Variants in SUPT20HL1 observed in about 807,000 individuals in gnomAD.
The protein encoded by SUPT20HL1 is transcription factor SPT20 homolog-like 1.
For missense variants in SUPT20HL1, 277 were observed against 200.3 expected, an observed-to-expected ratio of 1.38 and a Z score of -2.31; for synonymous variants, 133 against 79.2, an observed-to-expected ratio of 1.68 and a Z score of -3.61.
Position 24,363,699 on chromosome X carries a change from A to G in SUPT20HL1, c.939A>G (p.Lys313=), listed in dbSNP as rs767832313. Residue 313 remains lysine, a synonymous_variant, in exon 1 of 1, where the codon AAA becomes AAG. Coordinates refer to ENST00000686983, the MANE Select transcript of SUPT20HL1 (RefSeq NM_001136234.3). ...PSEVDVEKLA[K]GYQSVTAADP... ...AAGTGGATGTGGAGAAACTTGCTAAAGGGTATCAGTCCGTCACAGCTGCTG... is the reference window on the plus strand; with the variant it reads ...AAGTGGATGTGGAGAAACTTGCTAAGGGGTATCAGTCCGTCACAGCTGCTG... 5.2e-6 allele frequency: 2 copies of G among 385,959 alleles called. No individual in the cohort carries two copies. The highest frequency in any genetic ancestry group is 5.1e-5 in the African/African-American group (2 of 39,359). The allele number at this position is 385,959 out of a possible 1,213,427, so 31.8% of individuals were successfully genotyped here. A position where few individuals can be genotyped will look rare whatever the true frequency, so the allele number is the denominator to read the frequency against.
At position 24,366,613 on chromosome X, in the gene SUPT20HL1, A is replaced by C. The variant is rs1490686303; in HGVS notation, c.*1189A>C. On this transcript the variant is annotated 3_prime_UTR_variant, in exon 1 of 1. Coordinates refer to ENST00000686983, the MANE Select transcript of SUPT20HL1 (RefSeq NM_001136234.3). ...CATTTAGTGAAACATTTGAAAATCC[A>C]TTTTATTGGTTTGCTTTTCAAATAT... is the stretch of plus-strand genomic sequence containing the variant. Among the ~76,000 whole-genome samples, 2 of 105,312 alleles carry C rather than the reference A, an allele frequency of 1.9e-5. No homozygotes were observed. The highest frequency in any genetic ancestry group is 7.2e-5 in the African/African-American group (2 of 27,826). 91.5% of individuals were successfully genotyped at this position (105,312 alleles called of 115,157 possible). A position where few individuals can be genotyped will look rare whatever the true frequency, so the allele number is the denominator to read the frequency against.
In SUPT20HL1 at chrX:24,361,291, G is replaced by A. The variant is rs945526427; in HGVS notation, c.-1470G>A. Among the ~76,000 whole-genome samples the A allele has an allele frequency of 1.2e-4, 13 of 112,453 alleles. No individual in the cohort carries two copies. Among genetic ancestry groups the A allele is most frequent in the African/African-American group, 3.6e-4 (11 of 30,927 alleles). Reference sequence around the variant, plus strand: ...ACCCAAGTGAAGACAGGGGCAATTCGCCAGCTGAAGATCGAGTCCATCCCA... The same window carrying A: ...ACCCAAGTGAAGACAGGGGCAATTCACCAGCTGAAGATCGAGTCCATCCCA... On this transcript the variant is annotated 5_prime_UTR_variant, in exon 1 of 1. Transcript: ENST00000686983.
rs752264632 is a variant in SUPT20HL1 at position 24,365,169 on chromosome X, G to A, written c.2409G>A (p.Gln803=). 3 of 345,773 alleles carry A rather than the reference G, an allele frequency of 8.7e-6. No individual in the cohort carries two copies. In the East Asian group the frequency reaches 2.9e-4, roughly 33 times the overall value. The allele number at this position is 345,773 out of a possible 1,213,427, so 28.5% of individuals were successfully genotyped here. A position where few individuals can be genotyped will look rare whatever the true frequency, so the allele number is the denominator to read the frequency against. ...PPKLQLQPQW[Q]PKPRQEQPQS... ...AGCTGCAACTGCAACCGCAGTGGCAGCCAAAGCCACGGCAGGAGCAGCCAC... is the reference window on the plus strand; with the variant it reads ...AGCTGCAACTGCAACCGCAGTGGCAACCAAAGCCACGGCAGGAGCAGCCAC... The change falls in exon 1 of 1, where the codon CAG becomes CAA. Residue 803 remains glutamine, a synonymous_variant. Coordinates refer to ENST00000686983, the MANE Select transcript of SUPT20HL1 (RefSeq NM_001136234.3).
rs1310187563 is a variant in SUPT20HL1, at chrX:24,364,731, T to G, written c.1971T>G (p.Asp657Glu). Residue 657 changes from aspartate (D) to glutamate (E), a missense_variant, in exon 1 of 1, where the codon GAT (aspartate) becomes GAG (glutamate). Transcript: ENST00000686983. ...AGTCCTCAGGAGGTCCACTACCAGA[T>G]GCAAGGCCCGGTGCAGTGCAGGCAT... is the stretch of plus-strand genomic sequence containing the variant. ...DLQSSGGPLP[D>E]ARPGAVQASS... The G allele has an allele frequency of 2.4e-6, 1 of 411,364 alleles. No individual in the cohort carries two copies. 33.9% of individuals were successfully genotyped at this position (411,364 alleles called of 1,213,427 possible).
rs1183512325 is a variant in SUPT20HL1 at position 24,367,129 on chromosome X, T to C, written c.*1705T>C. 3.6e-5 allele frequency among the ~76,000 whole-genome samples: 4 copies of C among 112,524 alleles called. No individual in the cohort carries two copies. Among genetic ancestry groups the C allele is most frequent in the African/African-American group, 9.7e-5 (3 of 30,887 alleles). ...TAATGTTTTTGAAGTTCATCTATGT[T>C]GTAAAATGTATTGCTAATTCATTCC... On this transcript the variant is annotated 3_prime_UTR_variant, in exon 1 of 1. Coordinates refer to ENST00000686983, the MANE Select transcript of SUPT20HL1 (RefSeq NM_001136234.3).
chrX:24,364,290 T>TGCTGCTGCTGCTGCC lies in SUPT20HL1; in HGVS notation c.1544_1545insCGCTGCTGCTGCTGC (p.Ala513_Ala517dup). 1.0e-6 allele frequency: 1 copy of TGCTGCTGCTGCTGCC among 966,715 alleles called. No homozygotes were observed. Among genetic ancestry groups the TGCTGCTGCTGCTGCC allele is most frequent in the African/African-American group, 2.1e-5 (1 of 48,101 alleles). The allele number at this position is 966,715 out of a possible 1,213,427, so 79.7% of individuals were successfully genotyped here. A position where few individuals can be genotyped will look rare whatever the true frequency, so the allele number is the denominator to read the frequency against. On this transcript the variant is annotated inframe_insertion, in exon 1 of 1. Coordinates refer to ENST00000686983, the MANE Select transcript of SUPT20HL1 (RefSeq NM_001136234.3). ...CTGCTGCTGCTGCTGCTGCTGCTGC[T>TGCTGCTGCTGCTGCC]GCTGCTGCTGCTGCTGCTGCTCCTG...
At position 24,364,527 on chromosome X, in the gene SUPT20HL1, C is replaced by T. The variant is rs370418088; in HGVS notation, c.1767C>T (p.Pro589=). 1.8e-6 allele frequency: 1 copy of T among 557,493 alleles called. No individual in the cohort carries two copies. The highest frequency in any genetic ancestry group is 2.2e-5 in the South Asian group (1 of 44,579). The allele number at this position is 557,493 out of a possible 1,213,427, so 45.9% of individuals were successfully genotyped here. Residue 589 remains proline (P), a synonymous_variant, in exon 1 of 1, where the codon CCC becomes CCT. Transcript: ENST00000686983. ...GGCCCTGTCCAGCTGCCCAGCCCCC[C>T]ACCAAATTCATAAAAATAGCGCCAG... The part of the protein sequence containing the change: ...ASRPCPAAQP[P]TKFIKIAPAI...
At position 24,362,137 on chromosome X, in the gene SUPT20HL1, T is replaced by G. The variant is rs1431602080; in HGVS notation, c.-624T>G. Among the ~76,000 whole-genome samples the G allele has an allele frequency of 8.9e-6, 1 of 112,788 alleles. No individual in the cohort carries two copies. Among genetic ancestry groups the G allele is most frequent in the Non-Finnish European group, 1.9e-5 (1 of 53,350 alleles). ...TGCGAAAGATACATCTATACCGTCA[T>G]TGGTGGCTTATGCTTTTGCATGTAT... On this transcript the variant is annotated 5_prime_UTR_variant, in exon 1 of 1. Transcript: ENST00000686983.
Position 24,365,353 on chromosome X carries a change from C to T in SUPT20HL1, c.2593C>T (p.Pro865Ser), listed in dbSNP as rs939354909. The T allele has an allele frequency of 2.6e-6, 1 of 385,732 alleles. No individual in the cohort carries two copies. Among genetic ancestry groups the T allele is most frequent in the Admixed American group, 2.5e-5 (1 of 39,385 alleles). The allele number at this position is 385,732 out of a possible 1,213,427, so 31.8% of individuals were successfully genotyped here. A position where few individuals can be genotyped will look rare whatever the true frequency, so the allele number is the denominator to read the frequency against. Reference protein sequence around the residue: ...TGAVQIVQPHPGVQVGSQLVD... With the variant: ...TGAVQIVQPHSGVQVGSQLVD... ...CGCTGTTCAGATAGTGCAGCCACAT[C>T]CAGGTGTGCAAGTAGGGAGCCAGTT... Residue 865 changes from proline (P) to serine (S), a missense_variant, in exon 1 of 1, where the codon CCA (proline) becomes TCA (serine). By Grantham distance (74) the Pro-to-Ser change is moderately conservative. Coordinates refer to ENST00000686983, the MANE Select transcript of SUPT20HL1 (RefSeq NM_001136234.3).
Position 24,360,847 on chromosome X carries a change from C to G in SUPT20HL1, c.-1914C>G, listed in dbSNP as rs1939422640. Among the ~76,000 whole-genome samples, 1 of 111,761 alleles carries G rather than the reference C, an allele frequency of 8.9e-6. No individual in the cohort carries two copies. Among genetic ancestry groups the G allele is most frequent in the African/African-American group, 3.3e-5 (1 of 30,726 alleles). ...GCTGCCGGTGCCCTGTCCATCTCCC[C>G]TTGGCACTCACCATTCTGTACACAC... On this transcript the variant is annotated 5_prime_UTR_variant, in exon 1 of 1. Coordinates refer to ENST00000686983, the MANE Select transcript of SUPT20HL1 (RefSeq NM_001136234.3).
Position 24,364,407 on chromosome X carries a change from CGCTGCTCCTGCTGTAGCT to C in SUPT20HL1, c.1661_1678del (p.Val554_Ala559del), listed in dbSNP as rs902434866. 3.2e-5 allele frequency: 18 copies of C among 569,611 alleles called. No individual in the cohort carries two copies. In the Middle Eastern group the frequency reaches 9.3e-4, roughly 29 times the overall value. The allele number at this position is 569,611 out of a possible 1,213,427, so 46.9% of individuals were successfully genotyped here. A position where few individuals can be genotyped will look rare whatever the true frequency, so the allele number is the denominator to read the frequency against. The stretch of plus-strand genomic sequence containing the variant: ...CTGCTGCTCCTGCTCCTGCTCCTGC[CGCTGCTCCTGCTGTAGCT>C]GCTGCTCCTGCTGCTGCTGCTTCTG... On this transcript the variant is annotated inframe_deletion, in exon 1 of 1. Coordinates refer to ENST00000686983, the MANE Select transcript of SUPT20HL1 (RefSeq NM_001136234.3).
rs1369363297 is a variant in SUPT20HL1, at chrX:24,364,324, C to G, written c.1564C>G (p.Leu522Val). 5.6e-6 allele frequency: 4 copies of G among 717,979 alleles called. No homozygotes were observed. Among genetic ancestry groups the G allele is most frequent in the Non-Finnish European group, 5.6e-6 (3 of 531,604 alleles). 59.2% of individuals were successfully genotyped at this position (717,979 alleles called of 1,213,427 possible). Reference protein sequence around the residue: ...AAAAAAPAPALAAAAAPALAA... With the variant: ...AAAAAAPAPAVAAAAAPALAA... Reference sequence around the variant, plus strand: ...TGCTGCTGCTGCTCCTGCTCCTGCTCTAGCTGCTGCTGCTGCTCCTGCTCT... The same window carrying G: ...TGCTGCTGCTGCTCCTGCTCCTGCTGTAGCTGCTGCTGCTGCTCCTGCTCT... The change falls in exon 1 of 1, where the codon CTA becomes GTA. Residue 522 changes from leucine to valine, a missense_variant. Coordinates refer to ENST00000686983, the MANE Select transcript of SUPT20HL1 (RefSeq NM_001136234.3).
rs745313631 is a variant in SUPT20HL1, at chrX:24,364,516, G to A, written c.1756G>A (p.Ala586Thr). Residue 586 changes from alanine to threonine, a missense_variant, in exon 1 of 1, where the codon GCC becomes ACC. Transcript: ENST00000686983. ...LIQASRPCPAAQPPTKFIKIA... is the reference protein window; with the variant it reads ...LIQASRPCPATQPPTKFIKIA... ...TCAAGCTAGCAGGCCCTGTCCAGCT[G>A]CCCAGCCCCCCACCAAATTCATAAA... 2.7e-5 allele frequency: 15 copies of A among 559,103 alleles called. No homozygotes were observed. In the South Asian group the frequency reaches 3.4e-4, roughly 13 times the overall value. The allele number at this position is 559,103 out of a possible 1,213,427, so 46.1% of individuals were successfully genotyped here. A position where few individuals can be genotyped will look rare whatever the true frequency, so the allele number is the denominator to read the frequency against.
chrX:24,365,220 T>A lies in SUPT20HL1; in HGVS notation c.2460T>A (p.His820Gln), dbSNP rs374203557. The A allele has an allele frequency of 5.5e-6, 2 of 366,174 alleles. No individual in the cohort carries two copies. Among genetic ancestry groups the A allele is most frequent in the African/African-American group, 5.1e-5 (2 of 38,843 alleles). The allele number at this position is 366,174 out of a possible 1,213,427, so 30.2% of individuals were successfully genotyped here. Residue 820 changes from histidine to glutamine, a missense_variant, in exon 1 of 1, where the codon CAT becomes CAA. His to Gln is a conservative substitution (Grantham distance 24). Coordinates refer to ENST00000686983, the MANE Select transcript of SUPT20HL1 (RefSeq NM_001136234.3). The part of the protein sequence containing the change: ...QPQSQQQQPQ[H>Q]IQLQTQQLRV... ...AGTCGCAGCAGCAGCAGCCGCAGCA[T>A]ATCCAGCTCCAGACTCAGCAGTTGA...
Position 24,362,634 on chromosome X carries a change from C to G in SUPT20HL1, c.-127C>G, listed in dbSNP as rs1799531. ...GGGCGGGTTTCTGGGCAGATGCCCA[C>G]GTTGAACTCAGTGTGGACTTGTGGC... On this transcript the variant is annotated 5_prime_UTR_variant, in exon 1 of 1. Transcript: ENST00000686983. The G allele has an allele frequency of 2.7e-6, 1 of 368,139 alleles. No individual in the cohort carries two copies. The highest frequency in any genetic ancestry group is 5.4e-6 in the Non-Finnish European group (1 of 183,533). The allele number at this position is 368,139 out of a possible 1,213,427, so 30.3% of individuals were successfully genotyped here.
Position 24,364,241 on chromosome X carries a change from CTGCTGCTGCTGCTAT to C in SUPT20HL1, c.1495_1509del (p.Ile499_Ala503del), listed in dbSNP as rs767696352. 1 of 916,600 alleles carries C rather than the reference CTGCTGCTGCTGCTAT, an allele frequency of 1.1e-6. No individual in the cohort carries two copies. The highest frequency in any genetic ancestry group is 2.7e-5 in the Admixed American group (1 of 37,698). The allele number at this position is 916,600 out of a possible 1,213,427, so 75.5% of individuals were successfully genotyped here. On this transcript the variant is annotated inframe_deletion, in exon 1 of 1. Transcript: ENST00000686983. ...GGCAGCCCTCTTAAGCGTCCATTTT[CTGCTGCTGCTGCTAT>C]TGCTGCTGCTGCTGCTGCTGCTGCT...
In SUPT20HL1 at chrX:24,362,141, T is replaced by C. The variant is rs1464823797; in HGVS notation, c.-620T>C. Among the ~76,000 whole-genome samples the C allele has an allele frequency of 1.8e-5, 2 of 112,848 alleles. No individual in the cohort carries two copies. Among genetic ancestry groups the C allele is most frequent in the African/African-American group, 6.4e-5 (2 of 31,117 alleles). On this transcript the variant is annotated 5_prime_UTR_variant, in exon 1 of 1. Coordinates refer to ENST00000686983, the MANE Select transcript of SUPT20HL1 (RefSeq NM_001136234.3). ...AAAGATACATCTATACCGTCATTGG[T>C]GGCTTATGCTTTTGCATGTATGCTT...
rs1939476211 is a variant in SUPT20HL1 at position 24,365,333 on chromosome X, T to G, written c.2573T>G (p.Val858Gly). Residue 858 changes from valine to glycine, a missense_variant, in exon 1 of 1, where the codon GTT becomes GGT. Transcript: ENST00000686983. ...CCAGTGTTTTTGGCAACAGGCGCTG[T>G]TCAGATAGTGCAGCCACATCCAGGT... ...QQPVFLATGA[V>G]QIVQPHPGVQ... 3 of 385,532 alleles carry G rather than the reference T, an allele frequency of 7.8e-6. No individual in the cohort carries two copies. Among genetic ancestry groups the G allele is most frequent in the Non-Finnish European group, 1.6e-5 (3 of 192,376 alleles). 31.8% of individuals were successfully genotyped at this position (385,532 alleles called of 1,213,427 possible). A position where few individuals can be genotyped will look rare whatever the true frequency, so the allele number is the denominator to read the frequency against.
In SUPT20HL1 at chrX:24,362,342, C is replaced by T. The variant is rs1480807122; in HGVS notation, c.-419C>T. ...CTGACCCTGGCCCTCCCGTTCGCTT[C>T]CGGTGTAGCATGCAGAGACGTGAAG... On this transcript the variant is annotated 5_prime_UTR_variant, in exon 1 of 1. Transcript: ENST00000686983. 8.9e-6 allele frequency among the ~76,000 whole-genome samples: 1 copy of T among 112,433 alleles called. No individual in the cohort carries two copies. Among genetic ancestry groups the T allele is most frequent in the Non-Finnish European group, 1.9e-5 (1 of 53,252 alleles).
Sources: gnomAD v4.1 joint callset for allele counts (sites outside exome capture counted in the v4.1 genomes callset) on GRCh38, gnomAD v4.1.1 for gene constraint, MANE v1.5 for transcripts, NCBI Gene and HGNC (gene_info 2026-07-23, HGNC 2026-07-21) for gene names.